MAX: variants seen among roughly 807,000 people sequenced by gnomAD.
The protein encoded by MAX is MYC associated transcriptional regulator X.
MAX carries 3 observed loss-of-function variants against 22.3 expected under a neutral mutation model. That is an observed-to-expected ratio of 0.13 (90% CI 0.06 to 0.35). MAX has a LOEUF of 0.35. Among genes scored for constraint, MAX ranks in the 10% least tolerant of loss-of-function variants. The pLI is 1.00. For synonymous variants in MAX, 72 were observed against 77.7 expected, an observed-to-expected ratio of 0.93 and a Z score of 0.39; for missense variants, 119 against 209.4, an observed-to-expected ratio of 0.57 and a Z score of 2.66.
rs1381459568 is a variant in MAX, at chr14:65,063,070, G to A, written c.171+30638C>T. On this transcript the variant is annotated intron_variant, in intron 3 of 3. Transcript: ENST00000341653. ...CCACTTGGCTTTCCCTTCCTCTGGC[G>A]AGAGACCCTCTCCCATGGGAGGCCA... Among the ~76,000 whole-genome samples, 3 of 152,318 alleles carry A rather than the reference G, an allele frequency of 2.0e-5. No individual in the cohort carries two copies. In the East Asian group the frequency reaches 5.8e-4, roughly 29 times the overall value.
Position 65,076,250 on chromosome 14 carries a change from G to C in MAX, c.*226C>G. The C allele has an allele frequency of 2.1e-6, 3 of 1,430,516 alleles. No individual in the cohort carries two copies. Among genetic ancestry groups the C allele is most frequent in the Non-Finnish European group, 2.7e-6 (3 of 1,098,416 alleles). 88.6% of individuals were successfully genotyped at this position (1,430,516 alleles called of 1,614,324 possible). A position where few individuals can be genotyped will look rare whatever the true frequency, so the allele number is the denominator to read the frequency against. ...GTTTAAAAATTCCTGTTGGGGACAG[G>C]GAATCCCTGAAGGGAATACATTAAA... On this transcript the variant is annotated 3_prime_UTR_variant, in exon 5 of 5. Transcript: ENST00000358664. The surrounding 1 kb of genome is among the most constrained non-coding windows in gnomAD (Gnocchi z 6.6).
Position 65,031,324 on chromosome 14 carries a change from GT to G in MAX, c.172-25041del, listed in dbSNP as rs1320519815. On this transcript the variant is annotated intron_variant, in intron 3 of 3. Coordinates refer to the MAX transcript ENST00000341653. This position sits in a 1 kb window ranked among gnomAD's most constrained non-coding sequence, Gnocchi z 4.6. ...TCAAGTATAATAATTTTTTGTGTTT[GT>G]TTTTTTTTTTGAGACAGAGTCTCAC... Among the ~76,000 whole-genome samples, 46 of 144,220 alleles carry G rather than the reference GT, an allele frequency of 3.2e-4. No homozygotes were observed. The highest frequency in any genetic ancestry group is 1.8e-3 in the South Asian group (8 of 4,532). 94.6% of individuals were successfully genotyped at this position (144,220 alleles called of 152,430 possible).
chr14:65,019,244 T>C (rs1435014426), intron 3 of MAX, among the ~76,000 whole-genome samples: 2 of 152,112 alleles, frequency 1.3e-5, no homozygotes, highest in African/African-American at 4.8e-5. Flanking sequence ...CCCAGGACTT[T>C]GAGAGGCTGA....
downstream of MAX, among the ~76,000 whole-genome samples, chr14:65,073,359 C>T (rs2063009304): frequency 6.6e-6 from 1 of 152,198 alleles, no homozygotes; most frequent in Non-Finnish European, 1.5e-5. Context: ...GTTTTTTAAA[C>T]CTGTCTCAGC....
At chr14:65,074,806 C>T (rs1190674718), downstream of MAX, among the ~76,000 whole-genome samples, 1 of 152,226 alleles carries the variant, frequency 6.6e-6, no homozygotes, top group Admixed American at 6.5e-5. Flanking sequence ...ACCTGAACCA[C>T]AGCTCTGGGC....
At chr14:65,075,061 G>T, downstream of MAX, 1 of 1,010,504 alleles carries the variant, frequency 9.9e-7, no homozygotes, top group East Asian at 7.0e-5. The surrounding 1 kb of genome is among the most constrained non-coding windows in gnomAD (Gnocchi z 4.1). Context: ...GGCCCTAACA[G>T]CTTCCAGAGG....
intron 3 of MAX, chr14:65,041,061 G>A (rs1453488660): frequency 7.3e-7 from 1 of 1,378,090 alleles, no homozygotes; most frequent in Non-Finnish European, 9.7e-7. Flanking sequence ...GAAGGAGTGA[G>A]CAGCTGCTCT....
chr14:65,050,389 G>A (rs1376073584), intron 3 of MAX, among the ~76,000 whole-genome samples: 2 of 152,172 alleles, frequency 1.3e-5, no homozygotes, highest in Non-Finnish European at 2.9e-5. Flanking sequence ...TTAGGAGTTC[G>A]AGACTGGCTT....
Position 65,032,540 on chromosome 14 carries a change from C to T in MAX, c.172-26256G>A. 6.4e-7 allele frequency: 1 copy of T among 1,564,330 alleles called. No homozygotes were observed. The highest frequency in any genetic ancestry group is 8.7e-7 in the Non-Finnish European group (1 of 1,151,828). On this transcript the variant is annotated intron_variant, in intron 3 of 3. Coordinates refer to the MAX transcript ENST00000341653. This position sits in a 1 kb window ranked among gnomAD's most constrained non-coding sequence, Gnocchi z 5.0. ...TTACTAGGCAAGGCGAGCAGTCCGC[C>T]CGCGGAGTTCACTGAGCCTCATTAG...
In MAX at chr14:65,079,882, C is replaced by T. The variant is rs924554037; in HGVS notation, c.172-1846G>A. Among the ~76,000 whole-genome samples, 22 of 152,166 alleles carry T rather than the reference C, an allele frequency of 1.4e-4. No homozygotes were observed. The highest frequency in any genetic ancestry group is 5.3e-4 in the African/African-American group (22 of 41,418). ...TCTTTAGCACCCTTAAGGTAATTTC[C>T]TCAAGGAAATTGTTCATAATCAACC... On this transcript the variant is annotated intron_variant, in intron 3 of 4. Transcript: ENST00000358664. This position sits in a 1 kb window ranked among gnomAD's most constrained non-coding sequence, Gnocchi z 4.5.
chr14:65,011,904 G>A lies in MAX; in HGVS notation c.172-5620C>T, dbSNP rs759086619. Among the ~76,000 whole-genome samples, 2 of 152,162 alleles carry A rather than the reference G, an allele frequency of 1.3e-5. No individual in the cohort carries two copies. The highest frequency in any genetic ancestry group is 2.4e-5 in the African/African-American group (1 of 41,438). Reference sequence around the variant, plus strand: ...CAGACGGGGTGACTGAAATGACAGCGGCTGAGGCAGGGAAGTGGCGAGGCT... The same window carrying A: ...CAGACGGGGTGACTGAAATGACAGCAGCTGAGGCAGGGAAGTGGCGAGGCT... On this transcript the variant is annotated intron_variant, in intron 3 of 3. Coordinates refer to the MAX transcript ENST00000341653. The surrounding 1 kb of genome is among the most constrained non-coding windows in gnomAD (Gnocchi z 4.0).
intron 2 of MAX, among the ~76,000 whole-genome samples, chr14:65,096,035 G>A (rs1335723639): frequency 6.6e-6 from 1 of 152,208 alleles, no homozygotes; most frequent in Non-Finnish European, 1.5e-5. Context: ...AGGATTGTAA[G>A]TGAACTTGGC....
intron 3 of MAX, among the ~76,000 whole-genome samples, chr14:65,037,346 G>T (rs145164527): frequency 7.5e-6 from 1 of 133,700 alleles, no homozygotes; most frequent in Non-Finnish European, 1.5e-5. Context: ...TCAAGTGATC[G>T]CCTGCCTCGG....
Position 65,069,513 on chromosome 14 carries a change from T to C in MAX, c.171+24195A>G, listed in dbSNP as rs2062964953. 6.6e-6 allele frequency among the ~76,000 whole-genome samples: 1 copy of C among 152,230 alleles called. No homozygotes were observed. The highest frequency in any genetic ancestry group is 6.5e-5 in the Admixed American group (1 of 15,290). Reference sequence around the variant, plus strand: ...CCCAGCCTTTATAAGCTGCCTAGATTGCCCCAGTAGCCAGCACAATGCTGG... The same window carrying C: ...CCCAGCCTTTATAAGCTGCCTAGATCGCCCCAGTAGCCAGCACAATGCTGG... On this transcript the variant is annotated intron_variant, in intron 3 of 3. Coordinates refer to the MAX transcript ENST00000341653. The surrounding 1 kb of genome is among the most constrained non-coding windows in gnomAD (Gnocchi z 4.6).
Position 65,047,971 on chromosome 14 carries a change from T to C in MAX, c.172-41687A>G, listed in dbSNP as rs2062519568. On this transcript the variant is annotated intron_variant, in intron 3 of 3. Transcript: ENST00000341653. The surrounding 1 kb of genome is among the most constrained non-coding windows in gnomAD (Gnocchi z 5.2). ...AGACAGAAGACAGAAGGAGGGAGAC[T>C]TTTTAGATTTTTTTTTTTTTTTTTT... Among the ~76,000 whole-genome samples, 1 of 143,052 alleles carries C rather than the reference T, an allele frequency of 7.0e-6. No homozygotes were observed. 93.8% of individuals were successfully genotyped at this position (143,052 alleles called of 152,430 possible). A position where few individuals can be genotyped will look rare whatever the true frequency, so the allele number is the denominator to read the frequency against.
intron 3 of MAX, among the ~76,000 whole-genome samples, chr14:65,067,017 A>AT (rs1310874999): frequency 1.9e-4 from 25 of 134,018 alleles, no homozygotes; most frequent in Non-Finnish European, 3.1e-4. Flanking sequence ...CTCTACAAAA[A>AT]TTAAAAAAAA....
chr14:65,012,777 AAG>A lies in MAX; in HGVS notation c.172-6495_172-6494del, dbSNP rs2061704308. Among the ~76,000 whole-genome samples the A allele has an allele frequency of 6.6e-6, 1 of 152,214 alleles. No homozygotes were observed. Among genetic ancestry groups the A allele is most frequent in the South Asian group, 2.1e-4 (1 of 4,836 alleles). ...TTGAGGACTATTGTCCAAACCTGTT[AAG>A]TCTGTATCGTGATGGTTACAAATTT... On this transcript the variant is annotated intron_variant, in intron 3 of 3. Coordinates refer to the MAX transcript ENST00000341653. The surrounding 1 kb of genome is among the most constrained non-coding windows in gnomAD (Gnocchi z 5.0).
In MAX at chr14:65,047,060, C is replaced by T. The variant is rs190663446; in HGVS notation, c.172-40776G>A. Among the ~76,000 whole-genome samples, 8 of 152,120 alleles carry T rather than the reference C, an allele frequency of 5.3e-5. No homozygotes were observed. Among genetic ancestry groups the T allele is most frequent in the Non-Finnish European group, 8.8e-5 (6 of 67,982 alleles). ...ACCAGTAAGAAATGGATGGACAACC[C>T]AACTGAAAAACAGGCAAAGGATCTG... On this transcript the variant is annotated intron_variant, in intron 3 of 3. Transcript: ENST00000341653. This position sits in a 1 kb window ranked among gnomAD's most constrained non-coding sequence, Gnocchi z 5.2.
In MAX at chr14:65,102,437, CCA is replaced by C. The variant is rs983039906; in HGVS notation, c.-100_-99del. On this transcript the variant is annotated 5_prime_UTR_variant, in exon 1 of 5. Transcript: ENST00000358664. ...CCGACAACAACAAGCCGAGTCCCCC[CCA>C]CACACACACTCACTCACTCACTCAC... The C allele has an allele frequency of 2.4e-5, 37 of 1,551,598 alleles. No homozygotes were observed. The highest frequency in any genetic ancestry group is 1.9e-4 in the Admixed American group (10 of 51,396).
Sources: gnomAD v4.1 joint callset for allele counts (sites outside exome capture counted in the v4.1 genomes callset) on GRCh38, gnomAD v4.1.1 for gene constraint, Gnocchi (gnomAD v3.1) non-coding constraint, MANE v1.5 for transcripts, NCBI Gene and HGNC (gene_info 2026-07-23, HGNC 2026-07-21) for gene names.